The following ADRA1A variants were observed in gnomAD, a reference collection of about 807,000 sequenced individuals.
ADRA1A encodes alpha-1A adrenergic receptor.
Under a neutral mutation model 29.6 loss-of-function variants are expected in ADRA1A, and 31 were observed. That is an observed-to-expected ratio of 1.05 (90% CI 0.79 to 1.41). The LOEUF (loss-of-function observed/expected upper bound fraction) is 1.41, where lower values mean the gene tolerates loss of function less well. Ranked by LOEUF, ADRA1A falls within the 40% of genes most tolerant of loss-of-function variation. ADRA1A has a pLI of 0.00. For synonymous variants in ADRA1A, 311 were observed against 254.3 expected, an observed-to-expected ratio of 1.22 and a Z score of -2.12; for missense variants, 619 against 601.1, an observed-to-expected ratio of 1.03 and a Z score of -0.31.
chr8:26,854,187 A>T (rs1260572254), intron 2 of ADRA1A: 1 of 152,292 alleles, frequency 6.6e-6, no homozygotes, highest in Non-Finnish European at 1.5e-5. Context: ...GGAAAGAGGC[A>T]GTTGGCATTT....
At chr8:26,752,302 TG>T (rs1684600936), downstream of ADRA1A, among the ~76,000 whole-genome samples, 1 of 152,212 alleles carries the variant, frequency 6.6e-6, no homozygotes, top group South Asian at 2.1e-4. Flanking sequence ...CATAGTGGAT[TG>T]GTTGGACCAG....
At chr8:26,826,127 T>C (rs1810543463) in intron 2 of ADRA1A, among the ~76,000 whole-genome samples, 1 of 152,238 alleles carries the variant, frequency 6.6e-6, no homozygotes, top group South Asian at 2.1e-4. Flanking sequence ...TTTCCTTCTG[T>C]GGCCTTCCTC....
intron 2 of ADRA1A, chr8:26,748,876 C>T: frequency 2.9e-6 from 1 of 341,570 alleles, no homozygotes; most frequent in Non-Finnish European, 5.6e-6. Flanking sequence ...ATGACCTGGC[C>T]AATGTCTTGG....
chr8:26,860,976 C>T lies in ADRA1A; in HGVS notation c.883+3111G>A, dbSNP rs949103118. 2.6e-5 allele frequency among the ~76,000 whole-genome samples: 4 copies of T among 152,160 alleles called. No individual in the cohort carries two copies. Among genetic ancestry groups the T allele is most frequent in the Non-Finnish European group, 5.9e-5 (4 of 68,020 alleles). On this transcript the variant is annotated intron_variant, in intron 2 of 2. Transcript: ENST00000380573. This position sits in a 1 kb window ranked among gnomAD's most constrained non-coding sequence, Gnocchi z 4.7. ...GAAGAGTTGTCTATTTTCCCTGTTC[C>T]CACTTTTTTTATCCTTTGTTCTTTC...
Position 26,772,556 on chromosome 8 carries a change from G to A in ADRA1A, c.884-1890C>T, listed in dbSNP as rs145727977. ...ATCTGAAAAAGGAGTATGTTGAATG[G>A]ATGATTCCTAATGGCCCTGAACAAT... is the stretch of plus-strand genomic sequence containing the variant. On this transcript the variant is annotated intron_variant, in intron 2 of 2. Coordinates refer to ENST00000380573, the MANE Select transcript of ADRA1A (RefSeq NM_000680.4). 2.3e-3 allele frequency among the ~76,000 whole-genome samples: 348 copies of A among 152,290 alleles called. 1 individual carries two copies. The highest frequency in any genetic ancestry group is 8.0e-3 in the African/African-American group (331 of 41,576).
chr8:26,756,357 A>G (rs142188476), downstream of ADRA1A: 6 of 1,105,104 alleles, frequency 5.4e-6, no homozygotes, highest in East Asian at 2.0e-4. Flanking sequence ...TAAAAATGCC[A>G]TTTACTTATT....
At chr8:26,844,009 A>C (rs17296795) in intron 2 of ADRA1A, among the ~76,000 whole-genome samples, 9,071 of 152,288 alleles carry the variant, frequency 0.06, 334 homozygotes, top group Admixed American at 0.11. Context: ...GCATCATGAG[A>C]TAACAAGTAT....
At position 26,831,754 on chromosome 8, in the gene ADRA1A, G is replaced by A. The variant is rs190245296; in HGVS notation, c.883+32333C>T. 6.6e-6 allele frequency among the ~76,000 whole-genome samples: 1 copy of A among 152,202 alleles called. No individual in the cohort carries two copies. The highest frequency in any genetic ancestry group is 1.5e-5 in the Non-Finnish European group (1 of 68,038). On this transcript the variant is annotated intron_variant, in intron 2 of 2. Coordinates refer to ENST00000380573, the MANE Select transcript of ADRA1A (RefSeq NM_000680.4). This position sits in a 1 kb window ranked among gnomAD's most constrained non-coding sequence, Gnocchi z 5.2. ...GAATGAAGGACCCTTTTGGGCCTTGGGGGGAACACGCTGCATGCAGCTTCC... is the reference window on the plus strand; with the variant it reads ...GAATGAAGGACCCTTTTGGGCCTTGAGGGGAACACGCTGCATGCAGCTTCC...
exon 3 of ADRA1A, chr8:26,748,551 C>A: frequency 2.8e-6 from 1 of 361,930 alleles, no homozygotes; most frequent in East Asian, 9.4e-5. Context: ...TCATCCTGGC[C>A]AACATGGTGA....
intron 2 of ADRA1A, among the ~76,000 whole-genome samples, chr8:26,855,708 G>C (rs764977784): frequency 6.6e-6 from 1 of 151,960 alleles, no homozygotes; most frequent in Non-Finnish European, 1.5e-5. Flanking sequence ...TAACAAACCT[G>C]CATATTCTGC....
intron 2 of ADRA1A, among the ~76,000 whole-genome samples, chr8:26,826,288 A>C (rs12547624): frequency 0.19 from 29,504 of 152,222 alleles, 3,089 homozygotes; most frequent in East Asian, 0.41. Context: ...ATTCTCCTGC[A>C]GACCAAATTC....
rs2130700113 is a variant in ADRA1A, at chr8:26,841,143, C to T, written c.883+22944G>A. Reference sequence around the variant, plus strand: ...AATGAGAATCAAAATGCCCAACTGCCCCCAAATGTTCACATGGATTCAATG... The same window carrying T: ...AATGAGAATCAAAATGCCCAACTGCTCCCAAATGTTCACATGGATTCAATG... On this transcript the variant is annotated intron_variant, in intron 2 of 2. Transcript: ENST00000380573. The surrounding 1 kb of genome is among the most constrained non-coding windows in gnomAD (Gnocchi z 4.4). Among the ~76,000 whole-genome samples the T allele has an allele frequency of 6.6e-6, 1 of 152,306 alleles. No individual in the cohort carries two copies. The highest frequency in any genetic ancestry group is 6.5e-5 in the Admixed American group (1 of 15,300).
chr8:26,846,486 G>A (rs1271472543), intron 2 of ADRA1A, among the ~76,000 whole-genome samples: 2 of 152,118 alleles, frequency 1.3e-5, no homozygotes, highest in African/African-American at 4.8e-5. Context: ...AAGAGATCTT[G>A]GGCCAGGCGC....
intron 2 of ADRA1A, among the ~76,000 whole-genome samples, chr8:26,792,233 C>T (rs1807887211): frequency 6.6e-6 from 1 of 152,058 alleles, no homozygotes; most frequent in Non-Finnish European, 1.5e-5. Flanking sequence ...TTTATTTGCT[C>T]TTTGCCAATT....
rs780932474 is a variant in ADRA1A, at chr8:26,864,432, C to G, written c.538G>C (p.Glu180Gln). 4.3e-6 allele frequency: 7 copies of G among 1,613,484 alleles called. No homozygotes were observed. The highest frequency in any genetic ancestry group is 5.9e-6 in the Non-Finnish European group (7 of 1,180,022). ...GAGAAGAGCACGTAGCCCGGCTCCTCGTTGATCTGGCAGATGGTCTCGTCC... is the reference window on the plus strand; with the variant it reads ...GAGAAGAGCACGTAGCCCGGCTCCTGGTTGATCTGGCAGATGGTCTCGTCC... ...PEDETICQIN[E>Q]EPGYVLFSAL... Residue 180 changes from glutamate to glutamine, a missense_variant, in exon 2 of 3, where the codon GAG (glutamate) becomes CAG (glutamine). Transcript: ENST00000380573. This position sits in a 1 kb window ranked among gnomAD's most constrained non-coding sequence, Gnocchi z 8.1.
intron 2 of ADRA1A, among the ~76,000 whole-genome samples, chr8:26,818,368 G>A (rs572940173): frequency 8.5e-5 from 13 of 152,048 alleles, no homozygotes; most frequent in African/African-American, 3.1e-4. Context: ...AGAATTCCAT[G>A]GTATGTCACT....
chr8:26,768,967 C>G lies in ADRA1A; in HGVS notation c.*1182G>C. 1 of 985,432 alleles carries G rather than the reference C, an allele frequency of 1.0e-6. No homozygotes were observed. The highest frequency in any genetic ancestry group is 1.2e-6 in the Non-Finnish European group (1 of 829,916). The allele number at this position is 985,432 out of a possible 1,614,324, so 61.0% of individuals were successfully genotyped here. On this transcript the variant is annotated 3_prime_UTR_variant, in exon 3 of 3. Coordinates refer to ENST00000380573, the MANE Select transcript of ADRA1A (RefSeq NM_000680.4). ...CCTTCTATCAAAAAATGTTTGCAAACTCCTGCGTTAGACAGTTCTTTGGTG... is the reference window on the plus strand; with the variant it reads ...CCTTCTATCAAAAAATGTTTGCAAAGTCCTGCGTTAGACAGTTCTTTGGTG...
At chr8:26,766,997 G>A, downstream of ADRA1A, among the ~76,000 whole-genome samples, 1 of 152,122 alleles carries the variant, frequency 6.6e-6, no homozygotes, top group East Asian at 1.9e-4. Context: ...CATGAGAGAG[G>A]CAAAGGAAAG....
intron 2 of ADRA1A, among the ~76,000 whole-genome samples, chr8:26,780,716 G>C (rs1806913707): frequency 6.6e-6 from 1 of 152,174 alleles, no homozygotes; most frequent in Admixed American, 6.5e-5. Context: ...GGCCAGTGAA[G>C]CTTCATCTGT....
Sources: allele counts gnomAD v4.1 joint callset (sites outside exome capture counted in the v4.1 genomes callset), GRCh38; gene constraint gnomAD v4.1.1; non-coding constraint Gnocchi (gnomAD v3.1); transcripts MANE v1.5; gene names NCBI Gene and HGNC (gene_info 2026-07-23, HGNC 2026-07-21).